The following FAM120A variants were observed in gnomAD, a reference collection of about 807,000 sequenced individuals.
FAM120A encodes family with sequence similarity 120 member A, also known as constitutive coactivator of PPAR-gamma-like protein 1.
In FAM120A, 15 loss-of-function variants were observed where a neutral mutation model predicts 109.7. That is an observed-to-expected ratio of 0.14 (90% CI 0.09 to 0.21). FAM120A has a LOEUF of 0.21. FAM120A is among the 10% of genes least tolerant of loss of function. FAM120A has a pLI of 1.00. For synonymous variants in FAM120A, 493 were observed against 572.8 expected (o/e 0.86, Z 1.99); for missense variants, 899 against 1,439.3 (o/e 0.62, Z 6.07).
intron 11 of FAM120A, among the ~76,000 whole-genome samples, chr9:93,548,040 C>T (rs951081302): frequency 9.2e-5 from 14 of 152,060 alleles, no homozygotes; most frequent in Admixed American, 7.9e-4. Context: ...GTCTTAGCTG[C>T]CAGGAAAGCC....
intron 5 of FAM120A, among the ~76,000 whole-genome samples, chr9:93,504,703 A>G (rs1267758996): frequency 2.0e-5 from 3 of 152,150 alleles, no homozygotes. Context: ...TTGATGGAAA[A>G]TGGACTGTTT....
At chr9:93,471,002 G>A (rs1858285437) in intron 1 of FAM120A, 139 bp from the exon 2 acceptor site, 2 of 991,008 alleles carry the variant, frequency 2.0e-6, no homozygotes, top group African/African-American at 1.6e-5. Context: ...CTTTATTATG[G>A]CATTTTTTTG....
intron 3 of FAM120A, among the ~76,000 whole-genome samples, chr9:93,484,261 T>C (rs1481801223): frequency 2.0e-5 from 3 of 152,058 alleles, no homozygotes; most frequent in African/African-American, 7.2e-5. Flanking sequence ...TCTCCAGTCA[T>C]ATTGCTGGGA....
chr9:93,461,969 C>G (rs1047718861), intron 1 of FAM120A, among the ~76,000 whole-genome samples: 1 of 152,150 alleles, frequency 6.6e-6, no homozygotes, highest in Non-Finnish European at 1.5e-5. Flanking sequence ...ACCATTGAAC[C>G]AGACTGTGAT....
At chr9:93,526,287 C>G (rs981856712) in intron 7 of FAM120A, among the ~76,000 whole-genome samples, 1 of 152,186 alleles carries the variant, frequency 6.6e-6, no homozygotes, top group Non-Finnish European at 1.5e-5. Context: ...ATTTCACATT[C>G]GCCTGAGGAC....
chr9:93,533,302 A>G (rs1051969566), intron 10 of FAM120A, among the ~76,000 whole-genome samples: 1 of 152,204 alleles, frequency 6.6e-6, no homozygotes, highest in Non-Finnish European at 1.5e-5. Flanking sequence ...TAGATTTAAA[A>G]TATTTCTGTT....
rs1298469106 is a variant in FAM120A at position 93,452,050 on chromosome 9, C to T, written c.135C>T (p.Arg45=). 1 of 1,583,696 alleles carries T rather than the reference C, an allele frequency of 6.3e-7. No individual in the cohort carries two copies. The change falls in exon 1 of 18, where the codon CGC becomes CGT. Residue 45 remains arginine, a synonymous_variant. Transcript: ENST00000277165. This position sits in a 1 kb window ranked among gnomAD's most constrained non-coding sequence, Gnocchi z 7.0. The part of the protein sequence containing the change: ...GRQRPPQTPL[R]LLVDADNCLH... The stretch of plus-strand genomic sequence containing the variant: ...AGCGGCCCCCGCAGACCCCGCTGCG[C>T]CTGCTGGTGGACGCCGACAACTGCC...
At chr9:93,494,763 A>G (rs957681306) in intron 3 of FAM120A, among the ~76,000 whole-genome samples, 1 of 152,110 alleles carries the variant, frequency 6.6e-6, no homozygotes, top group African/African-American at 2.4e-5. Flanking sequence ...AAGCTCACCT[A>G]GGTCCTGGTA....
At chr9:93,555,574 A>G (rs1862259949) in intron 12 of FAM120A, among the ~76,000 whole-genome samples, 1 of 152,232 alleles carries the variant, frequency 6.6e-6, no homozygotes, top group Non-Finnish European at 1.5e-5. Flanking sequence ...ATCCTGGATA[A>G]TCCACAAACT....
At chr9:93,509,943 G>A (rs1341682224) in intron 5 of FAM120A, among the ~76,000 whole-genome samples, 1 of 152,172 alleles carries the variant, frequency 6.6e-6, no homozygotes, top group Non-Finnish European at 1.5e-5. Flanking sequence ...ATTCTGTATT[G>A]TGCTTGCTGT....
At chr9:93,483,994 T>C (rs554456472) in intron 3 of FAM120A, among the ~76,000 whole-genome samples, 1 of 152,202 alleles carries the variant, frequency 6.6e-6, no homozygotes, top group African/African-American at 2.4e-5. Context: ...CTGAGGAATC[T>C]GCTGGAATCT....
At position 93,452,451 on chromosome 9, in the gene FAM120A, C is replaced by T. The variant is rs1359832429; in HGVS notation, c.474+62C>T. ...CCGCGCCGCACCCCTATCCCCCTTC[C>T]CAGGGCGCAGAATGTCGCCCGGCCG... On this transcript the variant is annotated intron_variant, in intron 1 of 17. Coordinates refer to ENST00000277165, the MANE Select transcript of FAM120A (RefSeq NM_014612.5). The surrounding 1 kb of genome is among the most constrained non-coding windows in gnomAD (Gnocchi z 7.0). The T allele has an allele frequency of 6.4e-7, 1 of 1,555,522 alleles. No individual in the cohort carries two copies. The highest frequency in any genetic ancestry group is 1.2e-5 in the South Asian group (1 of 86,208).
At chr9:93,554,120 TACACACACACACACACAC>T (rs10672125) in intron 12 of FAM120A, among the ~76,000 whole-genome samples, 3,104 of 87,446 alleles carry the variant, frequency 0.035, 144 homozygotes, top group African/African-American at 0.11. Context: ...GGCCATTTGA[TACACACACACACACACAC>T]ACACACACAC....
chr9:93,528,773 G>A (rs2131464242), intron 8 of FAM120A, among the ~76,000 whole-genome samples: 1 of 152,228 alleles, frequency 6.6e-6, no homozygotes, highest in Admixed American at 6.5e-5. Flanking sequence ...ATTAACTTAG[G>A]GCTTTATAAT....
intron 5 of FAM120A, among the ~76,000 whole-genome samples, chr9:93,513,340 T>TG (rs1244695730): frequency 6.6e-6 from 1 of 152,182 alleles, no homozygotes; most frequent in African/African-American, 2.4e-5. Context: ...CATGCACGTG[T>TG]GGGGTGTGTT....
intron 1 of FAM120A, among the ~76,000 whole-genome samples, chr9:93,455,838 T>C (rs1344035466): frequency 6.6e-6 from 1 of 152,140 alleles, no homozygotes; most frequent in East Asian, 1.9e-4. Flanking sequence ...AATCTTTGTA[T>C]TTTTAGTAGA....
At chr9:93,527,843 G>C (rs555915500) in intron 8 of FAM120A, among the ~76,000 whole-genome samples, 2 of 151,768 alleles carry the variant, frequency 1.3e-5, no homozygotes, top group Non-Finnish European at 2.9e-5. Context: ...GGCTAGTCTC[G>C]AACCCTTGAC....
chr9:93,543,184 T>C, intron 10 of FAM120A, 38 bp from the exon 11 acceptor site: 1 of 1,604,642 alleles, frequency 6.2e-7, no homozygotes, highest in Non-Finnish European at 8.5e-7. Flanking sequence ...AGGTGAATGA[T>C]GCATGAATGT....
At chr9:93,477,746 G>A (rs1858609849) in intron 3 of FAM120A, among the ~76,000 whole-genome samples, 1 of 152,238 alleles carries the variant, frequency 6.6e-6, no homozygotes, top group African/African-American at 2.4e-5. Context: ...ATATGTGTAT[G>A]TCTAAGTTAA....
Sources: gnomAD v4.1 joint callset for allele counts (sites outside exome capture counted in the v4.1 genomes callset) on GRCh38, gnomAD v4.1.1 for gene constraint, Gnocchi (gnomAD v3.1) non-coding constraint, MANE v1.5 for transcripts, NCBI Gene and HGNC (gene_info 2026-07-23, HGNC 2026-07-21) for gene names.